Variants in THSD7A observed in about 807,000 individuals in gnomAD.
THSD7A encodes the protein thrombospondin type-1 domain-containing protein 7A.
In THSD7A, 96 loss-of-function variants were observed where a neutral mutation model predicts 231.3. The ratio of observed to expected loss-of-function variants is 0.41; its 90% CI spans 0.35 to 0.49. The LOEUF (loss-of-function observed/expected upper bound fraction) is 0.49, where lower values mean the gene tolerates loss of function less well. Among genes scored for constraint, THSD7A ranks in the 20% least tolerant of loss-of-function variants. The probability of loss-of-function intolerance (pLI) is 0.05; values close to 1 mark genes in which losing one functional copy is unlikely to be tolerated. For synonymous variants in THSD7A, 940 were observed against 743.3 expected (o/e 1.26, Z -4.30); for missense variants, 2,290 against 2,070.2 (o/e 1.11, Z -2.06).
intron 1 of THSD7A, among the ~76,000 whole-genome samples, chr7:11,649,344 C>T (rs561288602): frequency 1.8e-4 from 27 of 152,116 alleles, no homozygotes; most frequent in African/African-American, 5.8e-4. Flanking sequence ...GTCAGAACCA[C>T]CTGGCTAAAC....
intron 6 of THSD7A, among the ~76,000 whole-genome samples, chr7:11,536,315 G>A (rs574264119): frequency 6.6e-6 from 1 of 152,074 alleles, no homozygotes; most frequent in Non-Finnish European, 1.5e-5. Flanking sequence ...ATTTCGTTTT[G>A]TAATGGGTAG....
At chr7:11,769,151 A>ATTTTTTTTTTTTTTTTT (rs1422492872) in intron 1 of THSD7A, among the ~76,000 whole-genome samples, 28 of 35,424 alleles carry the variant, frequency 7.9e-4, no homozygotes, top group Non-Finnish European at 1.2e-3. Context: ...ATATATATAT[A>ATTTTTTTTTTTTTTTTT]TATTTTTTTT....
chr7:11,634,189 T>A lies in THSD7A; in HGVS notation c.1022+1941A>T, dbSNP rs867584248. ...AAAGTTTAACCTATACTGTAATAAG[T>A]CAGAAAATATATGCAACTATCAATT... On this transcript the variant is annotated intron_variant, in intron 2 of 27. Coordinates refer to ENST00000423059, the MANE Select transcript of THSD7A (RefSeq NM_015204.3). The surrounding 1 kb of genome is among the most constrained non-coding windows in gnomAD (Gnocchi z 4.1). Among the ~76,000 whole-genome samples, 2 of 152,162 alleles carry A rather than the reference T, an allele frequency of 1.3e-5. No individual in the cohort carries two copies. Among genetic ancestry groups the A allele is most frequent in the South Asian group, 2.1e-4 (1 of 4,838 alleles).
intron 2 of THSD7A, among the ~76,000 whole-genome samples, chr7:11,594,759 G>C (rs1251180907): frequency 2.6e-5 from 4 of 152,190 alleles, no homozygotes; most frequent in Non-Finnish European, 4.4e-5. Context: ...CTGAGTGAAA[G>C]ACTTATCTTC....
At chr7:11,394,708 TGAATAAAAGCATGCA>T (rs1392067545) in intron 23 of THSD7A, among the ~76,000 whole-genome samples, 2 of 152,162 alleles carry the variant, frequency 1.3e-5, no homozygotes, top group African/African-American at 4.8e-5. Context: ...ACGCCTACAC[TGAATAAAAGCATGCA>T]GCTCCAGCTT....
intron 4 of THSD7A, among the ~76,000 whole-genome samples, chr7:11,546,610 A>G (rs1255586005): frequency 6.6e-6 from 1 of 152,210 alleles, no homozygotes; most frequent in Non-Finnish European, 1.5e-5. Context: ...ATCAGCCCAT[A>G]CAGATGAGAG....
At chr7:11,414,799 T>TATC (rs1445050791) in intron 17 of THSD7A, among the ~76,000 whole-genome samples, 1 of 152,220 alleles carries the variant, frequency 6.6e-6, no homozygotes, top group East Asian at 1.9e-4. Context: ...GGAATAACAC[T>TATC]ATCTGTTTTG....
chr7:11,465,172 G>T (rs147742263), intron 9 of THSD7A, among the ~76,000 whole-genome samples: 1 of 152,104 alleles, frequency 6.6e-6, no homozygotes, highest in Non-Finnish European at 1.5e-5. Context: ...TTTGCTGAAC[G>T]CACAAACACA....
chr7:11,572,696 G>A (rs1234992575), intron 4 of THSD7A, among the ~76,000 whole-genome samples: 5 of 151,290 alleles, frequency 3.3e-5, no homozygotes, highest in Admixed American at 6.6e-5. Context: ...TTTTGGAGGC[G>A]GGTCTCATTA....
chr7:11,675,177 C>T (rs1373961374), intron 1 of THSD7A, among the ~76,000 whole-genome samples: 2 of 152,064 alleles, frequency 1.3e-5, no homozygotes, highest in Non-Finnish European at 2.9e-5. Flanking sequence ...AGGGAACTCC[C>T]TCCCCTAGCC....
chr7:11,542,429 T>C (rs182630025), intron 5 of THSD7A, among the ~76,000 whole-genome samples: 82 of 152,376 alleles, frequency 5.4e-4, no homozygotes, highest in African/African-American at 1.7e-3. Flanking sequence ...TTGCATTTAT[T>C]CTATTCCTCT....
At chr7:11,741,862 T>C (rs899887693) in intron 1 of THSD7A, among the ~76,000 whole-genome samples, 1 of 151,936 alleles carries the variant, frequency 6.6e-6, no homozygotes, top group African/African-American at 2.4e-5. Flanking sequence ...TTGTATACCA[T>C]TTAACTGCTT....
chr7:11,777,693 G>A (rs1783460953), intron 1 of THSD7A, among the ~76,000 whole-genome samples: 1 of 152,122 alleles, frequency 6.6e-6, no homozygotes, highest in African/African-American at 2.4e-5. Context: ...ATGGATGAGA[G>A]GAAGGCGTTG....
intron 1 of THSD7A, among the ~76,000 whole-genome samples, chr7:11,742,937 A>G (rs762533054): frequency 1.3e-5 from 2 of 151,908 alleles, no homozygotes; most frequent in South Asian, 2.1e-4. Context: ...TAATTATTCA[A>G]TGATATTACC....
rs373535941 is a variant in THSD7A, at chr7:11,447,235, A to G, written c.2795T>C (p.Leu932Pro). The G allele has an allele frequency of 6.2e-6, 10 of 1,612,970 alleles. No homozygotes were observed. Among genetic ancestry groups the G allele is most frequent in the Non-Finnish European group, 8.5e-6 (10 of 1,179,342 alleles). ...CGAVRTRKRT[L>P]VGKSKKKEKC... ...GGCATCCCAATTATTCTTACCAACA[A>G]GAGTGCGCTTTCTGGTCCTAACTGC... The change falls in exon 12 of 28, where the codon CTT becomes CCT. Residue 932 changes from leucine (L) to proline (P), a missense_variant. By Grantham distance (98) the Leu-to-Pro change is moderately conservative. Coordinates refer to ENST00000423059, the MANE Select transcript of THSD7A (RefSeq NM_015204.3).
At chr7:11,395,276 C>T (rs1002835723) in intron 23 of THSD7A, among the ~76,000 whole-genome samples, 13 of 152,126 alleles carry the variant, frequency 8.5e-5, no homozygotes, top group Non-Finnish European at 1.5e-5. Flanking sequence ...AGCTAACTAT[C>T]CCAAATATAG....
rs971998392 is a variant in THSD7A at position 11,474,766 on chromosome 7, C to G, written c.2018-198G>C. On this transcript the variant is annotated intron_variant, in intron 7 of 27. Coordinates refer to ENST00000423059, the MANE Select transcript of THSD7A (RefSeq NM_015204.3). This position sits in a 1 kb window ranked among gnomAD's most constrained non-coding sequence, Gnocchi z 4.1. Reference sequence around the variant, plus strand: ...GGTTAAAAATAGTTTCTGCTACACTCAAGGATCTCATAATGTAGTAGGGAA... The same window carrying G: ...GGTTAAAAATAGTTTCTGCTACACTGAAGGATCTCATAATGTAGTAGGGAA... Among the ~76,000 whole-genome samples, 1 of 152,062 alleles carries G rather than the reference C, an allele frequency of 6.6e-6. No homozygotes were observed. Among genetic ancestry groups the G allele is most frequent in the Non-Finnish European group, 1.5e-5 (1 of 68,024 alleles).
intron 6 of THSD7A, among the ~76,000 whole-genome samples, chr7:11,535,692 T>A (rs73286889): frequency 0.083 from 12,545 of 152,052 alleles, 799 homozygotes; most frequent in East Asian, 0.18. Flanking sequence ...ATAGGATGGA[T>A]TCTTGCATTT....
intron 4 of THSD7A, among the ~76,000 whole-genome samples, chr7:11,559,505 A>ACATATATATATAAATC (rs1554337564): frequency 1.4e-5 from 2 of 148,040 alleles, no homozygotes; most frequent in Admixed American, 6.8e-5. Flanking sequence ...CCATACATAT[A>ACATATATATATAAATC]CATATATATA....
Sources: gnomAD v4.1 joint callset for allele counts (sites outside exome capture counted in the v4.1 genomes callset) on GRCh38, gnomAD v4.1.1 for gene constraint, Gnocchi (gnomAD v3.1) non-coding constraint, MANE v1.5 for transcripts, NCBI Gene and HGNC (gene_info 2026-07-23, HGNC 2026-07-21) for gene names.